The following SMG7 variants were observed in gnomAD, a reference collection of about 807,000 sequenced individuals.
The protein encoded by SMG7 is SMG7 nonsense mediated mRNA decay factor, also known as nonsense-mediated mRNA decay factor SMG7.
A neutral mutation model predicts 148.2 loss-of-function variants in SMG7; 34 were observed. That is an observed-to-expected ratio of 0.23 (90% CI 0.17 to 0.31). The LOEUF (loss-of-function observed/expected upper bound fraction) is 0.31. Among genes scored for constraint, SMG7 ranks in the 10% least tolerant of loss-of-function variants. The pLI is 1.00. For synonymous variants in SMG7, 492 were observed against 515.1 expected (o/e 0.96, Z 0.61); for missense variants, 1,114 against 1,408.4 (o/e 0.79, Z 3.35).
At chr1:183,484,965 A>G (rs1468357808) in intron 1 of SMG7, among the ~76,000 whole-genome samples, 1 of 152,180 alleles carries the variant, frequency 6.6e-6, no homozygotes, top group East Asian at 1.9e-4. Context: ...TAGACTAGCA[A>G]TAAGGAATAA....
chr1:183,499,604 T>A (rs1488098455), intron 1 of SMG7, among the ~76,000 whole-genome samples: 1 of 152,234 alleles, frequency 6.6e-6, no homozygotes, highest in Admixed American at 6.5e-5. Context: ...GTTTTCTTAA[T>A]GTTCAAGAGT....
chr1:183,517,571 A>G (rs1242146370), intron 3 of SMG7, 117 bp from the exon 4 acceptor site: 16 of 938,454 alleles, frequency 1.7e-5, no homozygotes, highest in Non-Finnish European at 2.4e-5. Flanking sequence ...ACTTTAATGC[A>G]GGTTTACTGT....
At chr1:183,528,214 CTTTTATTATTTATTTTA>C (rs1666235066) in intron 6 of SMG7, among the ~76,000 whole-genome samples, 187 bp downstream of exon 6, 1 of 151,832 alleles carries the variant, frequency 6.6e-6, no homozygotes, top group African/African-American at 2.4e-5. Context: ...AGTAAGATGA[CTTTTATTATTTATTTTA>C]TTTTATTATT....
In SMG7 at chr1:183,544,425, A is replaced by G. The variant is rs149115198; in HGVS notation, c.1915A>G (p.Thr639Ala). 6.2e-7 allele frequency: 1 copy of G among 1,613,836 alleles called. No homozygotes were observed. Among genetic ancestry groups the G allele is most frequent in the East Asian group, 2.2e-5 (1 of 44,846 alleles). Reference protein sequence around the residue: ...ARKTPVTQTPTQASNSQFIPI... With the variant: ...ARKTPVTQTPAQASNSQFIPI... ...AAAAACACCTGTAACTCAAACCCCA[A>G]CTCAAGCAAGTAACTCCCAGTTCAT... Residue 639 changes from threonine (T) to alanine (A), a missense_variant, in exon 15 of 23, where the codon ACT becomes GCT. Thr to Ala is a moderately conservative substitution (Grantham distance 58). Transcript: ENST00000688051.
intron 1 of SMG7, among the ~76,000 whole-genome samples, chr1:183,489,477 G>C (rs894598633): frequency 2.0e-5 from 3 of 152,148 alleles, no homozygotes; most frequent in African/African-American, 7.2e-5. Flanking sequence ...TGTGAAGAAT[G>C]AGTGGGAGAG....
chr1:183,517,762 G>A lies in SMG7; in HGVS notation c.254G>A (p.Ser85Asn). The change falls in exon 4 of 23, where the codon AGT (serine) becomes AAT (asparagine). Residue 85 changes from serine (S) to asparagine (N), a missense_variant. This residue lies in a region of SMG7 where 216 missense variants were observed against 329.1 expected (regional missense o/e 0.66). Coordinates refer to ENST00000688051, the MANE Select transcript of SMG7 (RefSeq NM_001375584.1). ...AAGAATCGAGCAAATCCGAATCGGA[G>A]TGAAGTTCAGGCAAACCTTTCTCTG... Reference protein sequence around the residue: ...QAKNRANPNRSEVQANLSLFL... With the variant: ...QAKNRANPNRNEVQANLSLFL... 6.2e-7 allele frequency: 1 copy of A among 1,614,144 alleles called. No individual in the cohort carries two copies.
intron 1 of SMG7, among the ~76,000 whole-genome samples, chr1:183,489,337 A>ACTT (rs572401651): frequency 6.6e-6 from 1 of 151,962 alleles, no homozygotes; most frequent in Non-Finnish European, 1.5e-5. Flanking sequence ...AGGGAGGACA[A>ACTT]GTGGAATAAC....
intron 1 of SMG7, among the ~76,000 whole-genome samples, chr1:183,511,026 G>T (rs1662002470): frequency 6.6e-6 from 1 of 151,612 alleles, no homozygotes; most frequent in African/African-American, 2.4e-5. Flanking sequence ...GCCTGGCATT[G>T]TGGCATGCGC....
intron 4 of SMG7, among the ~76,000 whole-genome samples, chr1:183,519,417 A>G (rs182810276): frequency 4.7e-4 from 72 of 151,634 alleles, no homozygotes; most frequent in Admixed American, 2.6e-3. Flanking sequence ...TCCTTAAAGC[A>G]GATGTTAAAG....
chr1:183,553,700 C>A lies in SMG7; in HGVS notation c.*1769C>A, dbSNP rs1398946164. ...TTTGAAAGGTCTGAAAAGGTGAAGCCCCCTACCCAATGGCAATATGAAACC... is the reference window on the plus strand; with the variant it reads ...TTTGAAAGGTCTGAAAAGGTGAAGCACCCTACCCAATGGCAATATGAAACC... On this transcript the variant is annotated 3_prime_UTR_variant, in exon 23 of 23. Transcript: ENST00000688051. The A allele has an allele frequency of 6.6e-6, 1 of 151,996 alleles. No homozygotes were observed. The highest frequency in any genetic ancestry group is 2.4e-5 in the African/African-American group (1 of 40,922). 9.4% of individuals were successfully genotyped at this position (151,996 alleles called of 1,614,324 possible).
chr1:183,537,956 C>T (rs1668098847), intron 11 of SMG7, among the ~76,000 whole-genome samples: 1 of 152,114 alleles, frequency 6.6e-6, no homozygotes, highest in South Asian at 2.1e-4. Flanking sequence ...TCACCTGAAT[C>T]TTTTTAAAAT....
intron 12 of SMG7, among the ~76,000 whole-genome samples, chr1:183,539,585 A>C (rs1241705643): frequency 6.6e-6 from 1 of 152,156 alleles, no homozygotes; most frequent in Non-Finnish European, 1.5e-5. Flanking sequence ...TCCCTTACGC[A>C]TTTTAAACTT....
At position 183,542,599 on chromosome 1, in the gene SMG7, G is replaced by A. The variant is rs16861141; in HGVS notation, c.1842+97G>A. On this transcript the variant is annotated intron_variant, in intron 14 of 22. Transcript: ENST00000688051. ...TAAAGCCATGAGAATTGGCCGTCCT[G>A]GAAGTTTAAATGCATTATTTAATTG... The A allele has an allele frequency of 1.7e-3, 1,763 of 1,019,046 alleles. 23 individuals are homozygous for A. The African/African-American group carries it at 0.026, about 15-fold the overall frequency. 63.1% of individuals were successfully genotyped at this position (1,019,046 alleles called of 1,614,324 possible).
chr1:183,503,890 C>T (rs180798803), intron 1 of SMG7, among the ~76,000 whole-genome samples: 1 of 152,300 alleles, frequency 6.6e-6, no homozygotes, highest in East Asian at 1.9e-4. Context: ...TGTAGGAAAG[C>T]CCAAATTCAG....
intron 1 of SMG7, among the ~76,000 whole-genome samples, chr1:183,499,910 T>C (rs1220574285): frequency 6.6e-6 from 1 of 152,202 alleles, no homozygotes; most frequent in African/African-American, 2.4e-5. Flanking sequence ...CTGATTACTT[T>C]GTTATGTCTT....
chr1:183,538,939 A>C (rs1668273658), intron 12 of SMG7, among the ~76,000 whole-genome samples: 1 of 152,040 alleles, frequency 6.6e-6, no homozygotes, highest in East Asian at 1.9e-4. Context: ...AGGTCAGGAG[A>C]TCGAGACCAT....
Position 183,512,826 on chromosome 1 carries a change from T to G in SMG7, c.30-11T>G. On this transcript the variant is annotated splice_polypyrimidine_tract_variant and intron_variant, in intron 1 of 22. Coordinates refer to ENST00000688051, the MANE Select transcript of SMG7 (RefSeq NM_001375584.1). ...TGATACTCTTTTTTTTTTTTTTTTT[T>G]TTCTATCTAGGCAGGCAGAAGTCCT... 6.3e-7 allele frequency: 1 copy of G among 1,582,380 alleles called. No individual in the cohort carries two copies. Among genetic ancestry groups the G allele is most frequent in the Admixed American group, 1.9e-5 (1 of 52,502 alleles).
chr1:183,502,904 T>C (rs190306853), intron 1 of SMG7, among the ~76,000 whole-genome samples: 4 of 152,352 alleles, frequency 2.6e-5, no homozygotes, highest in Admixed American at 2.6e-4. Context: ...TAACTATTGC[T>C]ACAGCAGCTT....
chr1:183,523,575 T>C (rs1278762977), intron 4 of SMG7, among the ~76,000 whole-genome samples: 1 of 152,214 alleles, frequency 6.6e-6, no homozygotes, highest in African/African-American at 2.4e-5. Flanking sequence ...GGTCAACCTA[T>C]ATGAAGGTAG....
Sources: allele counts gnomAD v4.1 joint callset (sites outside exome capture counted in the v4.1 genomes callset), GRCh38; gene constraint gnomAD v4.1.1; regional missense constraint gnomAD v4.1.1; transcripts MANE v1.5; gene names NCBI Gene and HGNC (gene_info 2026-07-23, HGNC 2026-07-21).